The following PMEPA1 variants were observed in gnomAD, a reference collection of about 807,000 sequenced individuals.
PMEPA1 encodes the protein protein TMEPAI.
A neutral mutation model predicts 23.0 loss-of-function variants in PMEPA1; 11 were observed. That is an observed-to-expected ratio of 0.48 (90% CI 0.30 to 0.79). The LOEUF (loss-of-function observed/expected upper bound fraction) is 0.79. PMEPA1 is among the 30% of genes least tolerant of loss of function. The probability of loss-of-function intolerance (pLI) is 0.06; values close to 1 mark genes in which losing one functional copy is unlikely to be tolerated. For synonymous variants in PMEPA1, 204 were observed against 166.4 expected, an observed-to-expected ratio of 1.23 and a Z score of -1.74; for missense variants, 377 against 390.9, an observed-to-expected ratio of 0.96 and a Z score of 0.30.
In PMEPA1 at chr20:57,651,077, A is replaced by C. The variant is rs2071220576; in HGVS notation, c.*976T>G. The C allele has an allele frequency of 6.6e-6, 1 of 152,168 alleles. No homozygotes were observed. Among genetic ancestry groups the C allele is most frequent in the African/African-American group, 2.4e-5 (1 of 41,422 alleles). 9.4% of individuals were successfully genotyped at this position (152,168 alleles called of 1,614,324 possible). On this transcript the variant is annotated 3_prime_UTR_variant, in exon 4 of 4. Coordinates refer to ENST00000341744, the MANE Select transcript of PMEPA1 (RefSeq NM_020182.5). ...AAACTAATTCCTTCGGTAACAGTTT[A>C]TTTTCATTTTTGGGAAAGGCAAAAC...
At chr20:57,679,206 G>T (rs2071678442) in intron 1 of PMEPA1, among the ~76,000 whole-genome samples, 2 of 152,106 alleles carry the variant, frequency 1.3e-5, no homozygotes, top group Non-Finnish European at 2.9e-5. Flanking sequence ...AGGAGAGTTG[G>T]GGAAAAAACA....
rs1401782619 is a variant in PMEPA1 at position 57,709,709 on chromosome 20, G to T, written c.-127C>A. 1 of 977,950 alleles carries T rather than the reference G, an allele frequency of 1.0e-6. No homozygotes were observed. The allele number at this position is 977,950 out of a possible 1,614,324, so 60.6% of individuals were successfully genotyped here. A position where few individuals can be genotyped will look rare whatever the true frequency, so the allele number is the denominator to read the frequency against. ...CGGCGGGGGAGGCGCGCCCCGGCTCGCCGGGCTCGGGTCGCCGCCAAGTTC... is the reference window on the plus strand; with the variant it reads ...CGGCGGGGGAGGCGCGCCCCGGCTCTCCGGGCTCGGGTCGCCGCCAAGTTC... On this transcript the variant is annotated 5_prime_UTR_variant, in exon 1 of 4. Coordinates refer to ENST00000341744, the MANE Select transcript of PMEPA1 (RefSeq NM_020182.5).
intron 1 of PMEPA1, among the ~76,000 whole-genome samples, chr20:57,684,460 G>A (rs911372012): frequency 6.6e-6 from 1 of 152,088 alleles, no homozygotes; most frequent in Non-Finnish European, 1.5e-5. Flanking sequence ...GGGGGGCTCT[G>A]AGAACCGCCC....
At chr20:57,700,598 A>G (rs987311198) in intron 1 of PMEPA1, among the ~76,000 whole-genome samples, 31 of 152,192 alleles carry the variant, frequency 2.0e-4, no homozygotes, top group African/African-American at 7.5e-4. Flanking sequence ...GGAGGTCACA[A>G]TCAACCTTTA....
rs1476941556 is a variant in PMEPA1 at position 57,651,704 on chromosome 20, AAAGTT to A, written c.*344_*348del. ...AAAGGTTTTGTGCAAATATGTCTTT[AAAGTT>A]AAGTGAAATTATCATAAACAAAAGA... On this transcript the variant is annotated 3_prime_UTR_variant, in exon 4 of 4. Coordinates refer to ENST00000341744, the MANE Select transcript of PMEPA1 (RefSeq NM_020182.5). 8 of 159,048 alleles carry A rather than the reference AAAGTT, an allele frequency of 5.0e-5. No homozygotes were observed. The highest frequency in any genetic ancestry group is 1.8e-4 in the East Asian group (1 of 5,616). The allele number at this position is 159,048 out of a possible 1,614,324, so 9.9% of individuals were successfully genotyped here. A position where few individuals can be genotyped will look rare whatever the true frequency, so the allele number is the denominator to read the frequency against.
rs923881353 is a variant in PMEPA1, at chr20:57,683,088, G to A, written c.110-23391C>T. Among the ~76,000 whole-genome samples, 14 of 152,158 alleles carry A rather than the reference G, an allele frequency of 9.2e-5. No individual in the cohort carries two copies. The highest frequency in any genetic ancestry group is 2.9e-5 in the Non-Finnish European group (2 of 68,024). The stretch of plus-strand genomic sequence containing the variant: ...CGCCGCAGTCTCCGGGGGCATTTAC[G>A]CCACACTTGTCCTTAAGCTCAGATC... On this transcript the variant is annotated intron_variant, in intron 1 of 3. Coordinates refer to ENST00000341744, the MANE Select transcript of PMEPA1 (RefSeq NM_020182.5). This position sits in a 1 kb window ranked among gnomAD's most constrained non-coding sequence, Gnocchi z 4.3.
chr20:57,661,549 C>G (rs1423305538), intron 1 of PMEPA1, among the ~76,000 whole-genome samples: 1 of 152,214 alleles, frequency 6.6e-6, no homozygotes, highest in African/African-American at 2.4e-5. Context: ...CAGTTCAAGC[C>G]CAGTGCCACT....
chr20:57,696,447 C>T (rs2067676209), intron 1 of PMEPA1, among the ~76,000 whole-genome samples: 2 of 152,330 alleles, frequency 1.3e-5, no homozygotes, highest in East Asian at 3.9e-4. Context: ...AGTTCAAATC[C>T]TGCTCTGCGG....
chr20:57,691,604 G>A (rs111387356), intron 1 of PMEPA1, among the ~76,000 whole-genome samples: 5 of 152,264 alleles, frequency 3.3e-5, no homozygotes, highest in East Asian at 3.9e-4. Flanking sequence ...TAGGGAGAAC[G>A]TTTTCCCCCG....
intron 1 of PMEPA1, among the ~76,000 whole-genome samples, chr20:57,664,806 A>C (rs953222653): frequency 6.6e-6 from 1 of 152,212 alleles, no homozygotes; most frequent in Non-Finnish European, 1.5e-5. Flanking sequence ...GAGTTTTAAA[A>C]GGGCCAAGCA....
rs537580145 is a variant in PMEPA1, at chr20:57,652,757, G to A, written c.319-159C>T. ...GGGCGGGAGCCCAGAGCCTGATCCC[G>A]CGGGGGCCCTGGCCTGGGGGGCAGC... On this transcript the variant is annotated intron_variant, in intron 3 of 3. Coordinates refer to ENST00000341744, the MANE Select transcript of PMEPA1 (RefSeq NM_020182.5). The surrounding 1 kb of genome is among the most constrained non-coding windows in gnomAD (Gnocchi z 6.1). 2.6e-5 allele frequency among the ~76,000 whole-genome samples: 4 copies of A among 152,254 alleles called. No homozygotes were observed. The East Asian group carries it at 7.8e-4, about 30-fold the overall frequency.
At chr20:57,688,455 A>G (rs2071831493) in intron 1 of PMEPA1, among the ~76,000 whole-genome samples, 2 of 152,110 alleles carry the variant, frequency 1.3e-5, no homozygotes, top group African/African-American at 4.8e-5. Context: ...AGGTTGTGAC[A>G]ACCAAAAAGT....
intron 1 of PMEPA1, among the ~76,000 whole-genome samples, chr20:57,662,704 A>C (rs2071438404): frequency 6.6e-6 from 1 of 151,858 alleles, no homozygotes; most frequent in African/African-American, 2.4e-5. Context: ...TGTAACACCC[A>C]CGCCCCCCCA....
intron 1 of PMEPA1, among the ~76,000 whole-genome samples, chr20:57,679,620 G>A (rs777308692): frequency 6.6e-6 from 1 of 152,192 alleles, no homozygotes; most frequent in South Asian, 2.1e-4. Flanking sequence ...CCAACCAGGC[G>A]CTCGCTTCCT....
At chr20:57,707,547 C>G (rs966066349) in intron 1 of PMEPA1, among the ~76,000 whole-genome samples, 3 of 152,034 alleles carry the variant, frequency 2.0e-5, no homozygotes, top group Admixed American at 1.3e-4. Flanking sequence ...GGGCAAAGTG[C>G]AGAGGGCGGC....
intron 1 of PMEPA1, among the ~76,000 whole-genome samples, chr20:57,695,173 G>A (rs982565999): frequency 1.3e-5 from 2 of 152,256 alleles, no homozygotes; most frequent in African/African-American, 4.8e-5. Flanking sequence ...ACCTGTCTGG[G>A]GTCACCCACA....
In PMEPA1 at chr20:57,649,100, A is replaced by G. The variant is rs2071186846; in HGVS notation, c.*2953T>C. On this transcript the variant is annotated 3_prime_UTR_variant, in exon 4 of 4. Transcript: ENST00000341744. ...GGGAGACAGTGACAAGGCTAGAGAA[A>G]GCCACGCTCGGCCTTCTCTGAACCA... is the stretch of plus-strand genomic sequence containing the variant. The G allele has an allele frequency of 6.6e-6, 1 of 152,180 alleles. No homozygotes were observed. Among genetic ancestry groups the G allele is most frequent in the African/African-American group, 2.4e-5 (1 of 41,422 alleles). The allele number at this position is 152,180 out of a possible 1,614,324, so 9.4% of individuals were successfully genotyped here.
chr20:57,659,422 C>T (rs1330536210), intron 2 of PMEPA1, 121 bp downstream of exon 2: 1 of 1,108,188 alleles, frequency 9.0e-7, no homozygotes, highest in Non-Finnish European at 1.3e-6. Flanking sequence ...CTCCCCAGCC[C>T]CTGTCTTCCT....
chr20:57,652,034 C>G lies in PMEPA1; in HGVS notation c.*19G>C. On this transcript the variant is annotated 3_prime_UTR_variant, in exon 4 of 4. Transcript: ENST00000341744. The surrounding 1 kb of genome is among the most constrained non-coding windows in gnomAD (Gnocchi z 6.1). ...TGCCTTTTCACCTACGCAGCCCCAG[C>G]CCGGCCCCCCTGGGGACCCTAGAGA... 6.9e-7 allele frequency: 1 copy of G among 1,457,514 alleles called. No individual in the cohort carries two copies. Among genetic ancestry groups the G allele is most frequent in the South Asian group, 1.5e-5 (1 of 68,910 alleles). The allele number at this position is 1,457,514 out of a possible 1,614,324, so 90.3% of individuals were successfully genotyped here. A position where few individuals can be genotyped will look rare whatever the true frequency, so the allele number is the denominator to read the frequency against.
Sources: gnomAD v4.1 joint callset for allele counts (sites outside exome capture counted in the v4.1 genomes callset) on GRCh38, gnomAD v4.1.1 for gene constraint, Gnocchi (gnomAD v3.1) non-coding constraint, MANE v1.5 for transcripts, NCBI Gene and HGNC (gene_info 2026-07-23, HGNC 2026-07-21) for gene names.